The following ARHGEF17 variants were observed in gnomAD, a reference collection of about 807,000 sequenced individuals.
ARHGEF17 encodes 164 kDa Rho-specific guanine-nucleotide exchange factor.
ARHGEF17 carries 80 observed loss-of-function variants against 174.0 expected under a neutral mutation model. The ratio of observed to expected loss-of-function variants is 0.46; its 90% CI spans 0.38 to 0.55. The LOEUF is 0.55. Among genes scored for constraint, ARHGEF17 ranks in the 20% least tolerant of loss-of-function variants. The pLI is 0.00. For missense variants in ARHGEF17, 2,886 were observed against 2,839.7 expected, an observed-to-expected ratio of 1.02 and a Z score of -0.37; for synonymous variants, 1,311 against 1,189.1, an observed-to-expected ratio of 1.10 and a Z score of -2.11.
Position 73,308,532 on chromosome 11 carries a change from C to G in ARHGEF17, c.-107C>G, listed in dbSNP as rs145032281. The G allele has an allele frequency of 8.1e-4, 818 of 1,012,474 alleles. 1 individual carries two copies. Among genetic ancestry groups the G allele is most frequent in the South Asian group, 1.4e-3 (65 of 46,730 alleles). 62.7% of individuals were successfully genotyped at this position (1,012,474 alleles called of 1,614,324 possible). On this transcript the variant is annotated 5_prime_UTR_variant, in exon 1 of 21. Transcript: ENST00000263674. ...TCTCTGCGTCCTCTTCCCACACTCC[C>G]GTGCGCTGCTTTCGGCGTGGGCCGC...
In ARHGEF17 at chr11:73,310,567, G is replaced by C; in HGVS notation, c.1929G>C (p.Leu643=). ...QEELSGPESS[L]TDEGIGADPE... Reference sequence around the variant, plus strand: ...AGCTCTCAGGCCCTGAGTCCAGTCTGACAGATGAAGGCATTGGGGCAGACC... The same window carrying C: ...AGCTCTCAGGCCCTGAGTCCAGTCTCACAGATGAAGGCATTGGGGCAGACC... The change falls in exon 1 of 21, where the codon CTG becomes CTC. Residue 643 remains leucine, a synonymous_variant. Transcript: ENST00000263674. The C allele has an allele frequency of 6.2e-7, 1 of 1,614,104 alleles. No homozygotes were observed. Among genetic ancestry groups the C allele is most frequent in the Non-Finnish European group, 8.5e-7 (1 of 1,180,034 alleles).
chr11:73,366,816 G>A, intron 20 of ARHGEF17, among the ~76,000 whole-genome samples: 1 of 152,102 alleles, frequency 6.6e-6, no homozygotes, highest in East Asian at 1.9e-4. Context: ...GAAGGGGGTG[G>A]ATCACCTGAG....
At position 73,321,293 on chromosome 11, in the gene ARHGEF17, C is replaced by T. The variant is rs555611553; in HGVS notation, c.3192+9463C>T. ...CTCTTCTCCTTTTGTTACCACCAGC[C>T]CCACCCTGTGACATGTCCAGGATAG... is the stretch of plus-strand genomic sequence containing the variant. On this transcript the variant is annotated intron_variant, in intron 1 of 20. Transcript: ENST00000263674. Among the ~76,000 whole-genome samples the T allele has an allele frequency of 2.4e-3, 367 of 152,266 alleles. 2 individuals carry two copies. Among genetic ancestry groups the T allele is most frequent in the Non-Finnish European group, 3.8e-3 (257 of 68,024 alleles).
intron 18 of ARHGEF17, chr11:73,364,847 T>C: frequency 2.0e-6 from 1 of 491,420 alleles, no homozygotes; most frequent in Non-Finnish European, 3.5e-6. Flanking sequence ...CCACCCTATC[T>C]CTCAACTCAG....
intron 1 of ARHGEF17, among the ~76,000 whole-genome samples, chr11:73,344,677 C>A (rs539871020): frequency 4.0e-4 from 61 of 152,350 alleles, no homozygotes; most frequent in African/African-American, 1.4e-3. Context: ...GCTCTGCTCG[C>A]TGCCGCCTTT....
At chr11:73,315,519 C>T (rs949542675) in intron 1 of ARHGEF17, among the ~76,000 whole-genome samples, 1 of 152,176 alleles carries the variant, frequency 6.6e-6, no homozygotes, top group East Asian at 1.9e-4. Context: ...TTCTCTCCTT[C>T]CCCTCCTTGG....
At position 73,352,714 on chromosome 11, in the gene ARHGEF17, A is replaced by T. The variant is rs986721227; in HGVS notation, c.3271-116A>T. ...GTCTCATGAGGGAGATGTGGAAGGC[A>T]GGGCGCTGAGCTGCAGGCCCGGGTG... is the stretch of plus-strand genomic sequence containing the variant. On this transcript the variant is annotated intron_variant, in intron 2 of 20. Transcript: ENST00000263674. 3.6e-6 allele frequency: 4 copies of T among 1,100,726 alleles called. No homozygotes were observed. The African/African-American group carries it at 6.2e-5, about 17-fold the overall frequency. 68.2% of individuals were successfully genotyped at this position (1,100,726 alleles called of 1,614,324 possible).
chr11:73,347,083 C>A, intron 2 of ARHGEF17, 123 bp downstream of exon 2: 1 of 973,260 alleles, frequency 1.0e-6, no homozygotes. Flanking sequence ...TCCCTGGCAT[C>A]CGTCGCCTTT....
chr11:73,364,427 T>G, intron 17 of ARHGEF17, 25 bp from the exon 18 acceptor site: 1 of 1,612,994 alleles, frequency 6.2e-7, no homozygotes. Context: ...GGAGTGAATT[T>G]CCTGTTTTCT....
chr11:73,319,463 A>G lies in ARHGEF17; in HGVS notation c.3192+7633A>G, dbSNP rs372597370. Among the ~76,000 whole-genome samples, 16 of 152,320 alleles carry G rather than the reference A, an allele frequency of 1.1e-4. No homozygotes were observed. The East Asian group carries it at 2.5e-3, about 24-fold the overall frequency. On this transcript the variant is annotated intron_variant, in intron 1 of 20. Coordinates refer to ENST00000263674, the MANE Select transcript of ARHGEF17 (RefSeq NM_014786.4). ...TCTCAGAATCCTTAATTACACCTGC[A>G]AAGTCCCTGTTATTATGTAAGGTGA...
Position 73,357,341 on chromosome 11 carries a change from T to G in ARHGEF17, c.4087+14T>G. The G allele has an allele frequency of 1.2e-6, 2 of 1,610,634 alleles. No individual in the cohort carries two copies. Among genetic ancestry groups the G allele is most frequent in the Admixed American group, 1.7e-5 (1 of 59,666 alleles). ...ACATCATCAAAGGTGGGTTTGATGC[T>G]AGGGGTTCTGGGTGTTGGGGTCTTC... On this transcript the variant is annotated intron_variant, in intron 9 of 20. Transcript: ENST00000263674.
In ARHGEF17 at chr11:73,315,458, C is replaced by G. The variant is rs544683000; in HGVS notation, c.3192+3628C>G. On this transcript the variant is annotated intron_variant, in intron 1 of 20. Transcript: ENST00000263674. Reference sequence around the variant, plus strand: ...TGATGAAGGTCTGGCAACAGCTCTTCTAGTCACCCTTCTTTCTCCCCTTTT... The same window carrying G: ...TGATGAAGGTCTGGCAACAGCTCTTGTAGTCACCCTTCTTTCTCCCCTTTT... Among the ~76,000 whole-genome samples, 102 of 152,322 alleles carry G rather than the reference C, an allele frequency of 6.7e-4. 1 individual carries two copies. Among genetic ancestry groups the G allele is most frequent in the Non-Finnish European group, 2.1e-4 (14 of 68,032 alleles).
At position 73,367,658 on chromosome 11, in the gene ARHGEF17, A is replaced by T; in HGVS notation, c.6070A>T (p.Met2024Leu). ...HRGPAPARPK[M>L]LVISGGDGYE... ...AGGCCCCGCCCCTGCCAGGCCTAAA[A>T]TGCTGGTTATCAGTGGAGGTGATGG... The change falls in exon 21 of 21, where the codon ATG becomes TTG. Residue 2024 changes from methionine (M) to leucine (L), a missense_variant. By Grantham distance (15) the Met-to-Leu change is conservative. Coordinates refer to ENST00000263674, the MANE Select transcript of ARHGEF17 (RefSeq NM_014786.4). The T allele has an allele frequency of 6.2e-7, 1 of 1,614,020 alleles. No homozygotes were observed. The highest frequency in any genetic ancestry group is 8.5e-7 in the Non-Finnish European group (1 of 1,179,976).
At chr11:73,311,857 T>A in intron 1 of ARHGEF17, 27 bp downstream of exon 1, 1 of 1,567,642 alleles carries the variant, frequency 6.4e-7, no homozygotes. Context: ...GGCCTTCAGA[T>A]TGGGGCCAAA....
intron 1 of ARHGEF17, among the ~76,000 whole-genome samples, chr11:73,320,859 A>C (rs1208236603): frequency 1.3e-5 from 2 of 151,962 alleles, no homozygotes; most frequent in African/African-American, 2.4e-5. Flanking sequence ...GCAAAGTCTC[A>C]CTATGTTGCC....
intron 20 of ARHGEF17, among the ~76,000 whole-genome samples, chr11:73,367,365 C>T (rs746370917): frequency 2.6e-5 from 4 of 152,214 alleles, no homozygotes; most frequent in Non-Finnish European, 5.9e-5. Flanking sequence ...AATTATGTGA[C>T]TCCTGACTAG....
chr11:73,364,252 C>T lies in ARHGEF17; in HGVS notation c.5401+13C>T. 6.2e-7 allele frequency: 1 copy of T among 1,613,768 alleles called. No individual in the cohort carries two copies. The highest frequency in any genetic ancestry group is 8.5e-7 in the Non-Finnish European group (1 of 1,179,698). On this transcript the variant is annotated intron_variant, in intron 17 of 20. Coordinates refer to ENST00000263674, the MANE Select transcript of ARHGEF17 (RefSeq NM_014786.4). ...CAAAGGGAAGCAGGTGAGTATCTGC[C>T]CTCCCCCACACCCTGCCCCTGTCCC...
In ARHGEF17 at chr11:73,308,902, C is replaced by G; in HGVS notation, c.264C>G (p.Arg88=). 2 of 1,365,682 alleles carry G rather than the reference C, an allele frequency of 1.5e-6. No individual in the cohort carries two copies. Among genetic ancestry groups the G allele is most frequent in the African/African-American group, 3.1e-5 (2 of 65,308 alleles). The allele number at this position is 1,365,682 out of a possible 1,614,324, so 84.6% of individuals were successfully genotyped here. A position where few individuals can be genotyped will look rare whatever the true frequency, so the allele number is the denominator to read the frequency against. ...LSPSVRQLSR[R]FDAPRLDDGS... ...CGTCGGTTCGCCAGCTCTCCCGGCG[C>G]TTCGACGCGCCGCGTCTGGACGACG... Residue 88 remains arginine, a synonymous_variant, in exon 1 of 21, where the codon CGC becomes CGG. Transcript: ENST00000263674.
chr11:73,318,037 G>A (rs1323753190), intron 1 of ARHGEF17, among the ~76,000 whole-genome samples: 1 of 152,064 alleles, frequency 6.6e-6, no homozygotes, highest in African/African-American at 2.4e-5. Context: ...CCATGCTCTT[G>A]GGCACCAGGA....
Sources: allele counts gnomAD v4.1 joint callset (sites outside exome capture counted in the v4.1 genomes callset), GRCh38; gene constraint gnomAD v4.1.1; transcripts MANE v1.5; gene names NCBI Gene and HGNC (gene_info 2026-07-23, HGNC 2026-07-21).